WWP2: variants seen among roughly 807,000 people sequenced by gnomAD.
The protein encoded by WWP2 is NEDD4-like E3 ubiquitin-protein ligase WWP2.
Under a neutral mutation model 121.0 loss-of-function variants are expected in WWP2, and 57 were observed. The observed-to-expected ratio is 0.47, with a 90% CI of 0.38 to 0.59. The LOEUF (loss-of-function observed/expected upper bound fraction) is 0.59, where lower values mean the gene tolerates loss of function less well. Ranked by LOEUF, WWP2 falls within the 20% of genes least tolerant of loss-of-function variation. The pLI is 0.00. For missense variants in WWP2, 962 were observed against 1,158.9 expected, an observed-to-expected ratio of 0.83 and a Z score of 2.47; for synonymous variants, 449 against 441.3, an observed-to-expected ratio of 1.02 and a Z score of -0.22.
intron 1 of WWP2, 141 bp from the exon 2 acceptor site, chr16:69,786,855 A>G (rs1407155041): frequency 1.5e-6 from 1 of 654,338 alleles, no homozygotes; most frequent in African/African-American, 1.8e-5. Context: ...TCATTATAAG[A>G]CAAACTATAC....
chr16:69,824,198 G>A lies in WWP2; in HGVS notation c.341-15928G>A, dbSNP rs530658941. The stretch of plus-strand genomic sequence containing the variant: ...GTGCTGTGGCTGCCGGAATAGCCAT[G>A]TTAACATCAGACCTCATTTATCTCA... On this transcript the variant is annotated intron_variant, in intron 4 of 23. Coordinates refer to ENST00000359154, the MANE Select transcript of WWP2 (RefSeq NM_001270454.2). 5.9e-3 allele frequency among the ~76,000 whole-genome samples: 899 copies of A among 152,348 alleles called. 10 individuals carry two copies. The highest frequency in any genetic ancestry group is 0.021 in the African/African-American group (865 of 41,578).
At chr16:69,902,258 T>C (rs1359376184) in intron 8 of WWP2, among the ~76,000 whole-genome samples, 1 of 152,174 alleles carries the variant, frequency 6.6e-6, no homozygotes, top group Non-Finnish European at 1.5e-5. Flanking sequence ...GAGATGGAGA[T>C]GTTTAGCCTT....
chr16:69,899,883 C>A (rs1418155070), intron 8 of WWP2, among the ~76,000 whole-genome samples: 2 of 151,766 alleles, frequency 1.3e-5, no homozygotes, highest in Non-Finnish European at 2.9e-5. Context: ...AATTTCTAAA[C>A]AAAATTTTGA....
chr16:69,858,723 G>A (rs2057364359), intron 6 of WWP2, among the ~76,000 whole-genome samples: 1 of 152,182 alleles, frequency 6.6e-6, no homozygotes, highest in South Asian at 2.1e-4. Flanking sequence ...ACATAAATAA[G>A]TCTTGTTTGG....
intron 2 of WWP2, among the ~76,000 whole-genome samples, chr16:69,794,251 G>A (rs974476484): frequency 1.2e-4 from 18 of 152,144 alleles, no homozygotes; most frequent in Admixed American, 3.9e-4. Context: ...TAGGCTGGGT[G>A]TGGTGGCTCA....
chr16:69,906,402 G>A (rs1466190691), intron 8 of WWP2, among the ~76,000 whole-genome samples: 1 of 152,108 alleles, frequency 6.6e-6, no homozygotes, highest in Non-Finnish European at 1.5e-5. Context: ...TAGCTTCTGA[G>A]GGGCTGATCA....
At chr16:69,860,183 T>G in intron 6 of WWP2, among the ~76,000 whole-genome samples, 1 of 151,740 alleles carries the variant, frequency 6.6e-6, no homozygotes, top group Non-Finnish European at 1.5e-5. Context: ...CCAGGCGTGG[T>G]GGTCCGATTC....
rs2058621072 is a variant in WWP2, at chr16:69,925,151, C to G, written c.1180-279C>G. On this transcript the variant is annotated intron_variant, in intron 10 of 23. Transcript: ENST00000359154. The surrounding 1 kb of genome is among the most constrained non-coding windows in gnomAD (Gnocchi z 4.0). ...CCCTGCCTCCGCCACCCTGGCACAC[C>G]TTCACCCGCGTACCGCCTCCTCCCC... 2 of 1,199,696 alleles carry G rather than the reference C, an allele frequency of 1.7e-6. No homozygotes were observed. Among genetic ancestry groups the G allele is most frequent in the Non-Finnish European group, 1.0e-6 (1 of 962,188 alleles). 74.3% of individuals were successfully genotyped at this position (1,199,696 alleles called of 1,614,324 possible). A position where few individuals can be genotyped will look rare whatever the true frequency, so the allele number is the denominator to read the frequency against.
intron 8 of WWP2, chr16:69,890,960 C>T (rs1479020212): frequency 2.0e-5 from 3 of 152,208 alleles, no homozygotes; most frequent in Admixed American, 6.5e-5. Flanking sequence ...GGCTGCTCCC[C>T]ACTTGAACAT....
At chr16:69,883,635 G>A (rs1031657639) in intron 7 of WWP2, among the ~76,000 whole-genome samples, 7 of 152,020 alleles carry the variant, frequency 4.6e-5, no homozygotes, top group Non-Finnish European at 7.4e-5. Flanking sequence ...GGTTAAACAT[G>A]CGCCATGGTG....
At chr16:69,871,101 C>T (rs2057627396) in intron 6 of WWP2, among the ~76,000 whole-genome samples, 1 of 151,708 alleles carries the variant, frequency 6.6e-6, no homozygotes, top group Non-Finnish European at 1.5e-5. Flanking sequence ...GCCTTGGCAA[C>T]ATAGCAAGAC....
At position 69,920,034 on chromosome 16, in the gene WWP2, A is replaced by G. The variant is rs145688800; in HGVS notation, c.1179+2151A>G. Among the ~76,000 whole-genome samples, 45 of 152,126 alleles carry G rather than the reference A, an allele frequency of 3.0e-4. 2 individuals carry two copies. In the East Asian group the frequency reaches 6.8e-3, roughly 23 times the overall value. ...GGTCTTGAACTCCTGGGCTCAAGCA[A>G]TCCACCTGCCTTGGCCTCCCAAAGT... On this transcript the variant is annotated intron_variant, in intron 10 of 23. Transcript: ENST00000359154.
chr16:69,775,233 G>C lies in WWP2; in HGVS notation c.-15-11763G>C, dbSNP rs1040657335. 5 of 152,240 alleles carry C rather than the reference G, an allele frequency of 3.3e-5. No individual in the cohort carries two copies. In the South Asian group the frequency reaches 6.2e-4, roughly 19 times the overall value. The allele number at this position is 152,240 out of a possible 1,614,324, so 9.4% of individuals were successfully genotyped here. A position where few individuals can be genotyped will look rare whatever the true frequency, so the allele number is the denominator to read the frequency against. On this transcript the variant is annotated intron_variant, in intron 1 of 23. Transcript: ENST00000359154. ...AGAGAAGGATATTTCTTTCCTTGGG[G>C]TATAAGGAGGGCATCTCTCAAAGGA...
At chr16:69,939,276 C>G in intron 22 of WWP2, 65 bp from the exon 23 acceptor site, 1 of 1,601,510 alleles carries the variant, frequency 6.2e-7, no homozygotes, top group Non-Finnish European at 8.6e-7. Context: ...TGGGTGGAGC[C>G]GGAGGATCCT....
Position 69,925,569 on chromosome 16 carries a change from G to A in WWP2, c.1234+85G>A. ...CTCCTCCCGCGTGTCTTCCTTCCCT[G>A]TTCCTGTCCCTCTGTTTTCCATCTC... On this transcript the variant is annotated intron_variant, in intron 11 of 23. Coordinates refer to ENST00000359154, the MANE Select transcript of WWP2 (RefSeq NM_001270454.2). The surrounding 1 kb of genome is among the most constrained non-coding windows in gnomAD (Gnocchi z 4.0). 3 of 1,516,892 alleles carry A rather than the reference G, an allele frequency of 2.0e-6. No homozygotes were observed. Among genetic ancestry groups the A allele is most frequent in the Non-Finnish European group, 2.7e-6 (3 of 1,116,554 alleles). 94.0% of individuals were successfully genotyped at this position (1,516,892 alleles called of 1,614,324 possible). A position where few individuals can be genotyped will look rare whatever the true frequency, so the allele number is the denominator to read the frequency against.
In WWP2 at chr16:69,940,784, G is replaced by C. The variant is rs1248691337; in HGVS notation, c.*844G>C. The stretch of plus-strand genomic sequence containing the variant: ...ACGCCTCTCAGGAACCCACCTGGCG[G>C]TTCCGTGAGCTCAGGCAGGCCTGAC... On this transcript the variant is annotated 3_prime_UTR_variant, in exon 24 of 24. Coordinates refer to ENST00000359154, the MANE Select transcript of WWP2 (RefSeq NM_001270454.2). The C allele has an allele frequency of 6.5e-6, 1 of 153,274 alleles. No homozygotes were observed. The highest frequency in any genetic ancestry group is 2.1e-4 in the South Asian group (1 of 4,836). The allele number at this position is 153,274 out of a possible 1,614,324, so 9.5% of individuals were successfully genotyped here.
intron 1 of WWP2, among the ~76,000 whole-genome samples, chr16:69,782,312 A>T (rs935731564): frequency 5.9e-5 from 9 of 152,110 alleles, no homozygotes; most frequent in Admixed American, 2.0e-4. Flanking sequence ...CAGAGGGATG[A>T]CATTCAAAGC....
chr16:69,887,711 A>T (rs954673648), intron 7 of WWP2, among the ~76,000 whole-genome samples: 9 of 152,288 alleles, frequency 5.9e-5, no homozygotes, highest in African/African-American at 1.9e-4. Flanking sequence ...TGGCCCCAAC[A>T]CATTCCTGTT....
At chr16:69,931,281 G>T in intron 14 of WWP2, 54 bp downstream of exon 14, 4 of 1,601,492 alleles carry the variant, frequency 2.5e-6, no homozygotes, top group Non-Finnish European at 3.4e-6. Context: ...AGTTATTTCA[G>T]TGTGAGTTCC....
Sources: allele counts gnomAD v4.1 joint callset (sites outside exome capture counted in the v4.1 genomes callset), GRCh38; gene constraint gnomAD v4.1.1; non-coding constraint Gnocchi (gnomAD v3.1); transcripts MANE v1.5; gene names NCBI Gene and HGNC (gene_info 2026-07-23, HGNC 2026-07-21).